CALML4: variants seen among roughly 807,000 people sequenced by gnomAD.
The protein encoded by CALML4 is calmodulin-like protein 4.
Under a neutral mutation model 17.9 loss-of-function variants are expected in CALML4, and 16 were observed. That is an observed-to-expected ratio of 0.89 (90% CI 0.61 to 1.36). The LOEUF is 1.36. CALML4 is among the 40% of genes most tolerant of loss of function. The probability of loss-of-function intolerance (pLI) is 0.00; values close to 1 mark genes in which losing one functional copy is unlikely to be tolerated. For missense variants in CALML4, 203 were observed against 194.8 expected, an observed-to-expected ratio of 1.04 and a Z score of -0.25; for synonymous variants, 86 against 71.5, an observed-to-expected ratio of 1.20 and a Z score of -1.02.
At position 68,192,670 on chromosome 15, in the gene CALML4, C is replaced by CA. The variant is rs770584767; in HGVS notation, c.*1344dup. 6.6e-6 allele frequency: 1 copy of CA among 152,194 alleles called. No homozygotes were observed. The highest frequency in any genetic ancestry group is 6.5e-5 in the Admixed American group (1 of 15,278). 9.4% of individuals were successfully genotyped at this position (152,194 alleles called of 1,614,324 possible). On this transcript the variant is annotated 3_prime_UTR_variant, in exon 5 of 5. Coordinates refer to ENST00000467889, the MANE Select transcript of CALML4 (RefSeq NM_033429.3). Reference sequence around the variant, plus strand: ...CTAACACTACAACTCTTGTTCCCTGCAGTTTTCCCTGTGCCCGGTGCCTAG... The same window carrying CA: ...CTAACACTACAACTCTTGTTCCCTGCAAGTTTTCCCTGTGCCCGGTGCCTAG...
intron 2 of CALML4, 46 bp from the exon 3 acceptor site, chr15:68,199,727 C>A (rs773883829): frequency 6.4e-7 from 1 of 1,572,852 alleles, no homozygotes; most frequent in Non-Finnish European, 8.7e-7. Flanking sequence ...GGTCACTCTC[C>A]GCCCATGCCG....
Position 68,199,697 on chromosome 15 carries a change from A to G in CALML4, c.35-16T>C. On this transcript the variant is annotated splice_polypyrimidine_tract_variant and intron_variant, in intron 2 of 4. Transcript: ENST00000467889. Reference sequence around the variant, plus strand: ...TCCTTGTACTCTGCACACGGCCCAGAGGGAGGGTCAGCAGCGTCTGGTCAC... The same window carrying G: ...TCCTTGTACTCTGCACACGGCCCAGGGGGAGGGTCAGCAGCGTCTGGTCAC... The G allele has an allele frequency of 6.2e-7, 1 of 1,609,408 alleles. No individual in the cohort carries two copies. The highest frequency in any genetic ancestry group is 8.5e-7 in the Non-Finnish European group (1 of 1,177,684).
At chr15:68,196,786 G>A (rs1199566803) in intron 4 of CALML4, among the ~76,000 whole-genome samples, 2 of 152,220 alleles carry the variant, frequency 1.3e-5, no homozygotes, top group African/African-American at 4.8e-5. Context: ...CTGCTAGGCT[G>A]CAGGAAGGTG....
At position 68,191,381 on chromosome 15, in the gene CALML4, A is replaced by C. The variant is rs2093119206; in HGVS notation, c.*2634T>G. The C allele has an allele frequency of 6.6e-6, 1 of 152,670 alleles. No individual in the cohort carries two copies. The highest frequency in any genetic ancestry group is 2.4e-5 in the African/African-American group (1 of 41,460). The allele number at this position is 152,670 out of a possible 1,614,324, so 9.5% of individuals were successfully genotyped here. A position where few individuals can be genotyped will look rare whatever the true frequency, so the allele number is the denominator to read the frequency against. ...CCAAGTGAAAATATTTATTACATGCATTGGAAAAAAATTGTTTACCTATTG... is the reference window on the plus strand; with the variant it reads ...CCAAGTGAAAATATTTATTACATGCCTTGGAAAAAAATTGTTTACCTATTG... On this transcript the variant is annotated 3_prime_UTR_variant, in exon 5 of 5. Transcript: ENST00000467889.
chr15:68,203,993 G>A (rs965595565), intron 2 of CALML4, among the ~76,000 whole-genome samples: 1 of 152,168 alleles, frequency 6.6e-6, no homozygotes, highest in African/African-American at 2.4e-5. Flanking sequence ...GCTGAAGGCT[G>A]GACTCCAGCC....
chr15:68,196,143 G>C (rs1360024278), intron 4 of CALML4, among the ~76,000 whole-genome samples: 2 of 152,204 alleles, frequency 1.3e-5, no homozygotes, highest in Non-Finnish European at 2.9e-5. Context: ...CCGCCTCCCA[G>C]ATTCAAGTGA....
chr15:68,197,246 C>T lies in CALML4; in HGVS notation c.364+194G>A, dbSNP rs1043538689. Among the ~76,000 whole-genome samples the T allele has an allele frequency of 3.3e-5, 5 of 152,144 alleles. No homozygotes were observed. The highest frequency in any genetic ancestry group is 4.4e-5 in the Non-Finnish European group (3 of 68,038). The stretch of plus-strand genomic sequence containing the variant: ...CTTCACCCTGGCAGACCTCCCTGCG[C>T]CCTTCCAGCCCCTCTAGTTCTTCCC... On this transcript the variant is annotated intron_variant, in intron 4 of 4. Transcript: ENST00000467889. This position sits in a 1 kb window ranked among gnomAD's most constrained non-coding sequence, Gnocchi z 4.1.
At chr15:68,205,569 A>C, upstream of CALML4, 1 of 653,116 alleles carries the variant, frequency 1.5e-6, no homozygotes. This position sits in a 1 kb window ranked among gnomAD's most constrained non-coding sequence, Gnocchi z 4.8. Flanking sequence ...CCTGGACTCC[A>C]GGAAGGGGTC....
Position 68,193,043 on chromosome 15 carries a change from A to C in CALML4, c.*972T>G, listed in dbSNP as rs2093127425. On this transcript the variant is annotated 3_prime_UTR_variant, in exon 5 of 5. Transcript: ENST00000467889. ...TCCCAGAAAGCCTAGTGCTCCTACT[A>C]CTGTTTTCCAGGGCTGTTGTACCCT... The C allele has an allele frequency of 6.6e-6, 1 of 152,138 alleles. No homozygotes were observed. Among genetic ancestry groups the C allele is most frequent in the Non-Finnish European group, 1.5e-5 (1 of 68,064 alleles). The allele number at this position is 152,138 out of a possible 1,614,324, so 9.4% of individuals were successfully genotyped here.
rs182790508 is a variant in CALML4 at position 68,197,878 on chromosome 15, C to G, written c.176-250G>C. The G allele has an allele frequency of 3.3e-3, 1,509 of 461,322 alleles. 6 individuals carry two copies. Among genetic ancestry groups the G allele is most frequent in the Non-Finnish European group, 3.6e-3 (916 of 255,420 alleles). The allele number at this position is 461,322 out of a possible 1,614,324, so 28.6% of individuals were successfully genotyped here. On this transcript the variant is annotated intron_variant, in intron 3 of 4. Transcript: ENST00000467889. The surrounding 1 kb of genome is among the most constrained non-coding windows in gnomAD (Gnocchi z 4.1). ...CGATGCTTATCATCACCCCAAAGCTCAAGAAAGTGGGTTCCCAACCACAGA... is the reference window on the plus strand; with the variant it reads ...CGATGCTTATCATCACCCCAAAGCTGAAGAAAGTGGGTTCCCAACCACAGA...
Position 68,191,898 on chromosome 15 carries a change from C to T in CALML4, c.*2117G>A, listed in dbSNP as rs1276079323. On this transcript the variant is annotated 3_prime_UTR_variant, in exon 5 of 5. Transcript: ENST00000467889. ...TGAATCCCTTAATGAGCAGGGAGTC[C>T]GTGAAGAGGAGCCCCAGGTTCTAAT... 6 of 152,120 alleles carry T rather than the reference C, an allele frequency of 3.9e-5. No individual in the cohort carries two copies. The highest frequency in any genetic ancestry group is 1.2e-4 in the African/African-American group (5 of 41,422). 9.4% of individuals were successfully genotyped at this position (152,120 alleles called of 1,614,324 possible).
chr15:68,193,339 T>C lies in CALML4; in HGVS notation c.*676A>G, dbSNP rs1052835229. The C allele has an allele frequency of 4.6e-5, 7 of 152,334 alleles. No individual in the cohort carries two copies. Among genetic ancestry groups the C allele is most frequent in the African/African-American group, 1.7e-4 (7 of 41,454 alleles). 9.4% of individuals were successfully genotyped at this position (152,334 alleles called of 1,614,324 possible). On this transcript the variant is annotated 3_prime_UTR_variant, in exon 5 of 5. Coordinates refer to ENST00000467889, the MANE Select transcript of CALML4 (RefSeq NM_033429.3). ...CTGCTCTCAGCTGATGCTGCCTCAT[T>C]GTAGCATGTGTTTTCACTCTAGTGT... is the stretch of plus-strand genomic sequence containing the variant.
rs1249509054 is a variant in CALML4, at chr15:68,192,802, GA to G, written c.*1212del. The G allele has an allele frequency of 6.6e-6, 1 of 152,250 alleles. No homozygotes were observed. The highest frequency in any genetic ancestry group is 2.4e-5 in the African/African-American group (1 of 41,442). 9.4% of individuals were successfully genotyped at this position (152,250 alleles called of 1,614,324 possible). A position where few individuals can be genotyped will look rare whatever the true frequency, so the allele number is the denominator to read the frequency against. ...CTACTAGACAAAGCCACAGCCCAGA[GA>G]ACCCACTTTTGATACATACATGGAT... is the stretch of plus-strand genomic sequence containing the variant. On this transcript the variant is annotated 3_prime_UTR_variant, in exon 5 of 5. Coordinates refer to ENST00000467889, the MANE Select transcript of CALML4 (RefSeq NM_033429.3).
chr15:68,195,463 A>G (rs1223065203), intron 4 of CALML4, among the ~76,000 whole-genome samples: 1 of 152,192 alleles, frequency 6.6e-6, no homozygotes, highest in African/African-American at 2.4e-5. Context: ...GGATAGGCCA[A>G]CATCAGCTCC....
Position 68,199,531 on chromosome 15 carries a change from C to T in CALML4, c.175+10G>A. The T allele has an allele frequency of 6.2e-7, 1 of 1,608,224 alleles. No homozygotes were observed. The highest frequency in any genetic ancestry group is 8.5e-7 in the Non-Finnish European group (1 of 1,176,904). ...CCTCCCCTCTCCCCGTTGTTCCCAC[C>T]ACCACTCACCTATCCCGTGGGTCTG... On this transcript the variant is annotated intron_variant, in intron 3 of 4. Transcript: ENST00000467889.
In CALML4 at chr15:68,193,915, A is replaced by G; in HGVS notation, c.*100T>C. ...TATAGTTGGGTAATGTTGTCTTGCC[A>G]CTGTGTTTGCCATCTCTCCCAAGTG... On this transcript the variant is annotated 3_prime_UTR_variant, in exon 5 of 5. Transcript: ENST00000467889. 3 of 760,172 alleles carry G rather than the reference A, an allele frequency of 3.9e-6. No individual in the cohort carries two copies. The highest frequency in any genetic ancestry group is 3.3e-5 in the South Asian group (2 of 59,768). 47.1% of individuals were successfully genotyped at this position (760,172 alleles called of 1,614,324 possible).
chr15:68,205,444 T>A (rs576967526), upstream of CALML4: 17 of 1,593,264 alleles, frequency 1.1e-5, no homozygotes, highest in African/African-American at 2.1e-4. This position sits in a 1 kb window ranked among gnomAD's most constrained non-coding sequence, Gnocchi z 4.8. Context: ...ACCCGCCACC[T>A]GGGCAGGTTG....
upstream of CALML4, chr15:68,205,733 G>A (rs909593970): frequency 2.2e-5 from 6 of 273,966 alleles, no homozygotes; most frequent in South Asian, 1.3e-4. This position sits in a 1 kb window ranked among gnomAD's most constrained non-coding sequence, Gnocchi z 4.8. Context: ...GATGGGCACC[G>A]GGGCTCGCAG....
chr15:68,199,016 G>A (rs1371676770), intron 3 of CALML4, among the ~76,000 whole-genome samples: 3 of 152,048 alleles, frequency 2.0e-5, no homozygotes, highest in Non-Finnish European at 4.4e-5. Flanking sequence ...GCAAAAATTA[G>A]CTAGGCGTGG....
Sources: allele counts gnomAD v4.1 joint callset (sites outside exome capture counted in the v4.1 genomes callset), GRCh38; gene constraint gnomAD v4.1.1; non-coding constraint Gnocchi (gnomAD v3.1); transcripts MANE v1.5; gene names NCBI Gene and HGNC (gene_info 2026-07-23, HGNC 2026-07-21).